The following NEO1 variants were observed in gnomAD, a reference collection of about 807,000 sequenced individuals.
The protein encoded by NEO1 is neogenin.
A neutral mutation model predicts 159.7 loss-of-function variants in NEO1; 63 were observed. That is an observed-to-expected ratio of 0.39 (90% CI 0.32 to 0.49). The LOEUF (loss-of-function observed/expected upper bound fraction) is 0.49. Among genes scored for constraint, NEO1 ranks in the 20% least tolerant of loss-of-function variants. The probability of loss-of-function intolerance (pLI) is 0.85; values close to 1 mark genes in which losing one functional copy is unlikely to be tolerated. For synonymous variants in NEO1, 633 were observed against 662.0 expected, an observed-to-expected ratio of 0.96 and a Z score of 0.67; for missense variants, 1,615 against 1,831.0, an observed-to-expected ratio of 0.88 and a Z score of 2.15.
rs533467196 is a variant in NEO1, at chr15:73,216,429, C to G, written c.1292-19918C>G. On this transcript the variant is annotated intron_variant, in intron 7 of 28. Coordinates refer to ENST00000261908, the MANE Select transcript of NEO1 (RefSeq NM_002499.4). Reference sequence around the variant, plus strand: ...TGTCTTTATAGCGGCATGATTTATACTCCTTTGGGTATATACCCAGTAATG... The same window carrying G: ...TGTCTTTATAGCGGCATGATTTATAGTCCTTTGGGTATATACCCAGTAATG... 8.6e-3 allele frequency among the ~76,000 whole-genome samples: 1,309 copies of G among 152,152 alleles called. 22 individuals carry two copies. The highest frequency in any genetic ancestry group is 0.03 in the African/African-American group (1,236 of 41,512).
intron 7 of NEO1, among the ~76,000 whole-genome samples, chr15:73,213,748 T>C (rs1279716809): frequency 1.3e-5 from 2 of 152,188 alleles, no homozygotes; most frequent in African/African-American, 2.4e-5. Flanking sequence ...AAGTATCTTT[T>C]TCATATAATG....
chr15:73,061,989 C>T lies in NEO1; in HGVS notation c.130+9184C>T, dbSNP rs74717219. ...GCAAACAAATGATGCAGTGAACCCA[C>T]GTTTATAAATGTCCCCATTTGTGCA... On this transcript the variant is annotated intron_variant, in intron 1 of 28. Coordinates refer to ENST00000261908, the MANE Select transcript of NEO1 (RefSeq NM_002499.4). Among the ~76,000 whole-genome samples, 359 of 152,252 alleles carry T rather than the reference C, an allele frequency of 2.4e-3. 1 individual carries two copies. The highest frequency in any genetic ancestry group is 8.2e-3 in the African/African-American group (339 of 41,534).
intron 22 of NEO1, among the ~76,000 whole-genome samples, chr15:73,280,142 C>T (rs1212501914): frequency 6.6e-6 from 1 of 151,900 alleles, no homozygotes; most frequent in Non-Finnish European, 1.5e-5. Context: ...TGTTACAGGC[C>T]AGGCGTGGTG....
intron 7 of NEO1, among the ~76,000 whole-genome samples, chr15:73,209,837 A>C (rs780733756): frequency 6.6e-6 from 1 of 152,002 alleles, no homozygotes; most frequent in Non-Finnish European, 1.5e-5. Flanking sequence ...ACTAAAAAAC[A>C]AACAAAAAAA....
chr15:73,258,115 T>C (rs2040453874), intron 13 of NEO1, among the ~76,000 whole-genome samples: 1 of 152,224 alleles, frequency 6.6e-6, no homozygotes, highest in Non-Finnish European at 1.5e-5. Flanking sequence ...ATGTGCATGT[T>C]TGTTGCGTTT....
intron 3 of NEO1, 136 bp downstream of exon 3, chr15:73,122,936 G>GCC: frequency 2.9e-6 from 3 of 1,040,672 alleles, no homozygotes; most frequent in Admixed American, 2.3e-5. Context: ...TTGGGAGGTT[G>GCC]AAGCGGGTGG....
At chr15:73,261,465 A>G (rs1338852185) in intron 15 of NEO1, among the ~76,000 whole-genome samples, 3 of 152,178 alleles carry the variant, frequency 2.0e-5, no homozygotes, top group Non-Finnish European at 4.4e-5. Flanking sequence ...CTATAAGTGA[A>G]TTTAGCAAGG....
intron 5 of NEO1, among the ~76,000 whole-genome samples, chr15:73,163,955 G>T (rs1376910997): frequency 1.3e-5 from 2 of 151,746 alleles, no homozygotes; most frequent in African/African-American, 4.8e-5. Flanking sequence ...GTATGTGTGT[G>T]GTAGGGGCCG....
intron 5 of NEO1, among the ~76,000 whole-genome samples, chr15:73,167,654 G>T (rs2034669501): frequency 4.6e-5 from 7 of 152,218 alleles, no homozygotes; most frequent in Admixed American, 4.6e-4. Context: ...GTTAGATGTT[G>T]TGTATACATA....
chr15:73,215,492 G>C (rs984669959), intron 7 of NEO1, among the ~76,000 whole-genome samples: 3 of 152,084 alleles, frequency 2.0e-5, no homozygotes, highest in Admixed American at 2.0e-4. Context: ...AATCATAAAG[G>C]GATACTGGAT....
At chr15:73,114,027 C>G (rs1358974134) in intron 1 of NEO1, among the ~76,000 whole-genome samples, 1 of 152,124 alleles carries the variant, frequency 6.6e-6, no homozygotes, top group Admixed American at 6.5e-5. Context: ...AAAGTTATTA[C>G]AAATATTCAA....
In NEO1 at chr15:73,283,085, C is replaced by G; in HGVS notation, c.3384C>G (p.Thr1128=). The G allele has an allele frequency of 1.2e-6, 2 of 1,614,104 alleles. No homozygotes were observed. The highest frequency in any genetic ancestry group is 1.7e-4 in the Middle Eastern group (1 of 6,060). The change falls in exon 23 of 29, where the codon ACC becomes ACG. Residue 1128 remains threonine, a synonymous_variant. Coordinates refer to ENST00000261908, the MANE Select transcript of NEO1 (RefSeq NM_002499.4). ...TTGTGATTATCGCTGTCTTTTGTAC[C>G]CGTCGTACCACCTCTCACCAGAAAA... The part of the protein sequence containing the change: ...VVVVIIAVFC[T]RRTTSHQKKK...
At chr15:73,208,255 AAAG>A (rs1317408741) in intron 7 of NEO1, among the ~76,000 whole-genome samples, 3 of 152,240 alleles carry the variant, frequency 2.0e-5, no homozygotes, top group Non-Finnish European at 2.9e-5. Flanking sequence ...AGTACGTAGC[AAAG>A]AAGTTTGTGC....
intron 5 of NEO1, among the ~76,000 whole-genome samples, chr15:73,170,660 G>A (rs2034897728): frequency 1.3e-5 from 2 of 152,206 alleles, no homozygotes; most frequent in South Asian, 4.1e-4. Flanking sequence ...AAAATCCTCA[G>A]CAATTACCTT....
chr15:73,140,131 G>T (rs908968623), intron 5 of NEO1, among the ~76,000 whole-genome samples: 19 of 152,174 alleles, frequency 1.2e-4, no homozygotes, highest in African/African-American at 4.6e-4. Context: ...CACTATAATG[G>T]CTAAAGTTGA....
At chr15:73,203,143 A>G (rs1234680058) in intron 7 of NEO1, among the ~76,000 whole-genome samples, 3 of 152,152 alleles carry the variant, frequency 2.0e-5, no homozygotes, top group African/African-American at 4.8e-5. Flanking sequence ...TTGCTGGATC[A>G]TATGATAATT....
chr15:73,274,030 T>C (rs1319459939), intron 20 of NEO1, 25 bp downstream of exon 20: 1 of 1,604,418 alleles, frequency 6.2e-7, no homozygotes, highest in Non-Finnish European at 8.5e-7. Context: ...GCTGAGGGTT[T>C]TGTTGTGTGT....
At chr15:73,189,837 T>C (rs1228790566) in intron 7 of NEO1, among the ~76,000 whole-genome samples, 2 of 152,234 alleles carry the variant, frequency 1.3e-5, no homozygotes, top group Non-Finnish European at 2.9e-5. Context: ...CTGAGCAAAT[T>C]GTGAAGTAGA....
intron 7 of NEO1, 56 bp downstream of exon 7, chr15:73,178,483 C>T: frequency 6.3e-7 from 1 of 1,593,640 alleles, no homozygotes; most frequent in East Asian, 2.3e-5. Flanking sequence ...TGAACAAGCA[C>T]CCATCCGTCC....
Sources: allele counts gnomAD v4.1 joint callset (sites outside exome capture counted in the v4.1 genomes callset), GRCh38; gene constraint gnomAD v4.1.1; transcripts MANE v1.5; gene names NCBI Gene and HGNC (gene_info 2026-07-23, HGNC 2026-07-21).